Variants in HNRNPH3 observed in about 807,000 individuals in gnomAD.
The protein encoded by HNRNPH3 is heterogeneous nuclear ribonucleoprotein 2H9.
Under a neutral mutation model 47.0 loss-of-function variants are expected in HNRNPH3, and 7 were observed. The ratio of observed to expected loss-of-function variants is 0.15; its 90% confidence interval spans 0.08 to 0.28. The LOEUF is 0.28. HNRNPH3 is among the 10% of genes least tolerant of loss of function. HNRNPH3 has a pLI of 1.00. For synonymous variants in HNRNPH3, 120 were observed against 143.2 expected (o/e 0.84, Z 1.16); for missense variants, 279 against 449.6 (o/e 0.62, Z 3.43).
In HNRNPH3 at chr10:68,342,212, T is replaced by C; in HGVS notation, c.*158T>C. On this transcript the variant is annotated 3_prime_UTR_variant, in exon 10 of 10. Coordinates refer to ENST00000265866, the MANE Select transcript of HNRNPH3 (RefSeq NM_012207.3). ...AAAGCAACAGATTGTGATGGGAAAATGTTTTCTGTAGGTTTATTTGTTGCA... is the reference window on the plus strand; with the variant it reads ...AAAGCAACAGATTGTGATGGGAAAACGTTTTCTGTAGGTTTATTTGTTGCA... 1.8e-6 allele frequency: 1 copy of C among 552,624 alleles called. No homozygotes were observed. The highest frequency in any genetic ancestry group is 3.2e-6 in the Non-Finnish European group (1 of 316,792). The allele number at this position is 552,624 out of a possible 1,614,324, so 34.2% of individuals were successfully genotyped here.
intron 4 of HNRNPH3, 157 bp from the exon 5 acceptor site, chr10:68,338,983 C>T (rs1449775389): frequency 7.2e-6 from 4 of 555,644 alleles, no homozygotes; most frequent in African/African-American, 5.8e-5. Context: ...TTTAAATTTC[C>T]ATCACGTTGA....
chr10:68,338,222 T>C, intron 3 of HNRNPH3: 1 of 459,408 alleles, frequency 2.2e-6, no homozygotes. Context: ...TGTTGATAAA[T>C]GCTTTTGTAT....
In HNRNPH3 at chr10:68,337,278, A is replaced by G. The variant is rs2134687136; in HGVS notation, c.57A>G (p.Arg19=). 1 of 1,613,692 alleles carries G rather than the reference A, an allele frequency of 6.2e-7. No homozygotes were observed. Among genetic ancestry groups the G allele is most frequent in the Admixed American group, 1.7e-5 (1 of 60,008 alleles). Residue 19 remains arginine, a synonymous_variant, in exon 2 of 10, where the codon CGA becomes CGG. Coordinates refer to ENST00000265866, the MANE Select transcript of HNRNPH3 (RefSeq NM_012207.3). This position sits in a 1 kb window ranked among gnomAD's most constrained non-coding sequence, Gnocchi z 4.5. ...GPNDASDGTV[R]LRGLPFGCSK... ...ATGACGCTAGTGATGGGACAGTACG[A>G]CTTCGTGGACTACCATTTGGTTGCA... is the stretch of plus-strand genomic sequence containing the variant.
Position 68,341,566 on chromosome 10 carries a change from CTT to C in HNRNPH3, c.776-17_776-16del, listed in dbSNP as rs749191002. 1.0e-5 allele frequency: 16 copies of C among 1,525,140 alleles called. No homozygotes were observed. Among genetic ancestry groups the C allele is most frequent in the East Asian group, 2.2e-5 (1 of 44,478 alleles). 94.5% of individuals were successfully genotyped at this position (1,525,140 alleles called of 1,614,324 possible). On this transcript the variant is annotated splice_polypyrimidine_tract_variant and intron_variant, in intron 7 of 9. Transcript: ENST00000265866. ...CATCATTCCTTTCTCCCCTGTTACTCTTTCTTTTTTTCTTAAAGAACATCGAT... is the reference window on the plus strand; with the variant it reads ...CATCATTCCTTTCTCCCCTGTTACTCTCTTTTTTTCTTAAAGAACATCGAT...
chr10:68,332,763 C>G (rs538390762), intron 1 of HNRNPH3: 1 of 152,414 alleles, frequency 6.6e-6, no homozygotes, highest in African/African-American at 2.4e-5. Context: ...CTCCCTTCCT[C>G]CGCAGTCTCG....
In HNRNPH3 at chr10:68,341,743, TTTTTTC is replaced by T. The variant is rs2045966638; in HGVS notation, c.872-10_872-5del. 1 of 1,590,846 alleles carries T rather than the reference TTTTTTC, an allele frequency of 6.3e-7. No homozygotes were observed. The highest frequency in any genetic ancestry group is 8.5e-7 in the Non-Finnish European group (1 of 1,171,622). On this transcript the variant is annotated splice_polypyrimidine_tract_variant and intron_variant, in intron 8 of 9. Transcript: ENST00000265866. ...TATCGATGAGTCTCAATTTTTTTTC[TTTTTTC>T]TTTTTAAAGATAATCAGGGAGGCTA... is the stretch of plus-strand genomic sequence containing the variant.
chr10:68,339,403 G>C, intron 5 of HNRNPH3, 37 bp from the exon 6 acceptor site: 1 of 1,566,894 alleles, frequency 6.4e-7, no homozygotes, highest in Non-Finnish European at 8.8e-7. Context: ...ACTTGTATCT[G>C]TAATAGTTTA....
At chr10:68,333,429 A>C (rs2045332467) in intron 1 of HNRNPH3, among the ~76,000 whole-genome samples, 1 of 142,234 alleles carries the variant, frequency 7.0e-6, no homozygotes, top group African/African-American at 2.6e-5. Context: ...TCGATGTTAA[A>C]TCTTCCAAGA....
chr10:68,339,539 A>C lies in HNRNPH3; in HGVS notation c.623A>C (p.Glu208Ala). Residue 208 changes from glutamate to alanine, a missense_variant, in exon 6 of 10, where the codon GAA (glutamate) becomes GCA (alanine). Transcript: ENST00000265866. ...AGAGGGTTGCCTTTTCGTGCAACTG[A>C]AAATGACATTGCTAATGTGAGTAAT... ...HMRGLPFRAT[E>A]NDIANFFSPL... The C allele has an allele frequency of 1.2e-6, 2 of 1,607,892 alleles. No homozygotes were observed. Among genetic ancestry groups the C allele is most frequent in the Non-Finnish European group, 1.7e-6 (2 of 1,174,388 alleles).
rs1282022224 is a variant in HNRNPH3 at position 68,342,570 on chromosome 10, T to A, written c.*516T>A. Reference sequence around the variant, plus strand: ...CAGCTAATTATTTCTATATTATTATTTTTCAAATGTCATTTATCAGGCATA... The same window carrying A: ...CAGCTAATTATTTCTATATTATTATATTTCAAATGTCATTTATCAGGCATA... On this transcript the variant is annotated 3_prime_UTR_variant, in exon 10 of 10. Transcript: ENST00000265866. 1.3e-5 allele frequency: 2 copies of A among 152,542 alleles called. No homozygotes were observed. The highest frequency in any genetic ancestry group is 3.8e-4 in the East Asian group (2 of 5,202). The allele number at this position is 152,542 out of a possible 1,614,324, so 9.4% of individuals were successfully genotyped here.
rs1290106043 is a variant in HNRNPH3 at position 68,337,707 on chromosome 10, T to C, written c.113-151T>C. The C allele has an allele frequency of 4.4e-6, 3 of 686,996 alleles. No individual in the cohort carries two copies. In the African/African-American group the frequency reaches 5.4e-5, roughly 12 times the overall value. The allele number at this position is 686,996 out of a possible 1,614,324, so 42.6% of individuals were successfully genotyped here. ...TTTAATCCAGTAATATTTGAAAAAA[T>C]CTTTCATTTGTATTATGGGGTGATG... On this transcript the variant is annotated intron_variant, in intron 2 of 9. Coordinates refer to ENST00000265866, the MANE Select transcript of HNRNPH3 (RefSeq NM_012207.3). The surrounding 1 kb of genome is among the most constrained non-coding windows in gnomAD (Gnocchi z 4.5).
In HNRNPH3 at chr10:68,341,688, A is replaced by C; in HGVS notation, c.871+8A>C. The C allele has an allele frequency of 6.2e-7, 1 of 1,607,196 alleles. No homozygotes were observed. Among genetic ancestry groups the C allele is most frequent in the Non-Finnish European group, 8.5e-7 (1 of 1,175,546 alleles). On this transcript the variant is annotated splice_region_variant and intron_variant, in intron 8 of 9. Coordinates refer to ENST00000265866, the MANE Select transcript of HNRNPH3 (RefSeq NM_012207.3). Reference sequence around the variant, plus strand: ...ACGGAAGAGATGGAATGGGTATGTAAAGTTTTTAAAATATGCAGGGTTAGC... The same window carrying C: ...ACGGAAGAGATGGAATGGGTATGTACAGTTTTTAAAATATGCAGGGTTAGC...
In HNRNPH3 at chr10:68,341,272, T is replaced by C. The variant is rs1444886674; in HGVS notation, c.738T>C (p.Asp246=). The C allele has an allele frequency of 6.2e-7, 1 of 1,605,460 alleles. No individual in the cohort carries two copies. Among genetic ancestry groups the C allele is most frequent in the East Asian group, 2.2e-5 (1 of 44,788 alleles). ...EADVEFVTHE[D]AVAAMSKDKN... Reference sequence around the variant, plus strand: ...ATGTAGAGTTTGTGACACATGAAGATGCAGTAGCTGCCATGTCTAAAGATA... The same window carrying C: ...ATGTAGAGTTTGTGACACATGAAGACGCAGTAGCTGCCATGTCTAAAGATA... The change falls in exon 7 of 10, where the codon GAT becomes GAC. Residue 246 remains aspartate, a synonymous_variant. Transcript: ENST00000265866.
At position 68,337,262 on chromosome 10, in the gene HNRNPH3, G is replaced by GTGA. The variant is rs777922295; in HGVS notation, c.44_46dup (p.Asp15dup). ...AAACATAATGGTCCAAATGACGCTAGTGATGGGACAGTACGACTTCGTGGA... is the reference window on the plus strand; with the variant it reads ...AAACATAATGGTCCAAATGACGCTAGTGATGATGGGACAGTACGACTTCGTGGA... On this transcript the variant is annotated inframe_insertion, in exon 2 of 10. Transcript: ENST00000265866. This position sits in a 1 kb window ranked among gnomAD's most constrained non-coding sequence, Gnocchi z 4.5. 1.2e-6 allele frequency: 2 copies of GTGA among 1,613,442 alleles called. No individual in the cohort carries two copies. The highest frequency in any genetic ancestry group is 1.7e-6 in the Non-Finnish European group (2 of 1,179,340).
intron 4 of HNRNPH3, 67 bp from the exon 5 acceptor site, chr10:68,339,073 G>A (rs2045684293): frequency 7.7e-7 from 1 of 1,293,956 alleles, no homozygotes; most frequent in South Asian, 1.3e-5. Flanking sequence ...AAATGTTTTT[G>A]TAAACTAAAT....
upstream of HNRNPH3, chr10:68,331,792 C>G (rs2134590548): frequency 6.6e-6 from 1 of 152,504 alleles, no homozygotes; most frequent in South Asian, 2.1e-4. Flanking sequence ...ATTGCCATCG[C>G]CCCGAGGCGG....
rs181238635 is a variant in HNRNPH3, at chr10:68,338,309, C to T, written c.252-194C>T. ...AAAATATACTTTATGAATTGTTTTC[C>T]GTGACTAATTTCTTTGTAAAACTTA... On this transcript the variant is annotated intron_variant, in intron 3 of 9. Coordinates refer to ENST00000265866, the MANE Select transcript of HNRNPH3 (RefSeq NM_012207.3). 1.3e-5 allele frequency: 6 copies of T among 449,364 alleles called. No individual in the cohort carries two copies. The South Asian group carries it at 1.4e-4, about 11-fold the overall frequency. 27.8% of individuals were successfully genotyped at this position (449,364 alleles called of 1,614,324 possible).
At position 68,343,057 on chromosome 10, in the gene HNRNPH3, T is replaced by A. The variant is rs898280757; in HGVS notation, c.*1003T>A. On this transcript the variant is annotated 3_prime_UTR_variant, in exon 10 of 10. Coordinates refer to ENST00000265866, the MANE Select transcript of HNRNPH3 (RefSeq NM_012207.3). ...AGGAAAAGGTGCTTTTTAATTTTAA[T>A]CCCTTTGATCAATATGGCTTTTTTC... The A allele has an allele frequency of 6.6e-6, 1 of 152,212 alleles. No homozygotes were observed. The highest frequency in any genetic ancestry group is 1.5e-5 in the Non-Finnish European group (1 of 68,028). 9.4% of individuals were successfully genotyped at this position (152,212 alleles called of 1,614,324 possible).
chr10:68,334,169 T>A (rs1047057225), intron 1 of HNRNPH3, among the ~76,000 whole-genome samples: 1 of 152,218 alleles, frequency 6.6e-6, no homozygotes, highest in Non-Finnish European at 1.5e-5. Context: ...GTGTCTAGTT[T>A]TTTGTTTTTG....
Sources: allele counts gnomAD v4.1 joint callset (sites outside exome capture counted in the v4.1 genomes callset), GRCh38; gene constraint gnomAD v4.1.1; non-coding constraint Gnocchi (gnomAD v3.1); transcripts MANE v1.5; gene names NCBI Gene and HGNC (gene_info 2026-07-23, HGNC 2026-07-21).